HPSE2: variants seen among roughly 807,000 people sequenced by gnomAD.
The protein encoded by HPSE2 is heparanase 2 (inactive).
A neutral mutation model predicts 60.5 loss-of-function variants in HPSE2; 38 were observed. The observed-to-expected ratio is 0.63, with a 90% CI of 0.48 to 0.82. HPSE2 has a LOEUF of 0.82. Among genes scored for constraint, HPSE2 ranks in the 40% least tolerant of loss-of-function variants. The probability of loss-of-function intolerance (pLI) is 0.00; values close to 1 mark genes in which losing one functional copy is unlikely to be tolerated. For synonymous variants in HPSE2, 295 were observed against 293.2 expected (o/e 1.01, Z -0.06); for missense variants, 713 against 740.4 (o/e 0.96, Z 0.43).
At chr10:98,506,814 C>G (rs1942217455) in intron 9 of HPSE2, among the ~76,000 whole-genome samples, 1 of 151,366 alleles carries the variant, frequency 6.6e-6, no homozygotes, top group Non-Finnish European at 1.5e-5. Flanking sequence ...CGTTTTTCTT[C>G]TCCCTACCTA....
At chr10:98,917,789 T>C (rs1954162750) in intron 3 of HPSE2, among the ~76,000 whole-genome samples, 1 of 152,212 alleles carries the variant, frequency 6.6e-6, no homozygotes, top group Admixed American at 6.5e-5. Flanking sequence ...GTAACACTTG[T>C]ACAGGAGAAA....
intron 3 of HPSE2, among the ~76,000 whole-genome samples, chr10:99,103,639 A>C (rs1164830836): frequency 2.0e-5 from 3 of 152,218 alleles, no homozygotes; most frequent in Non-Finnish European, 2.9e-5. Flanking sequence ...ACTACTTTAA[A>C]GTTCATATGG....
At chr10:98,614,378 T>C (rs971868253) in intron 9 of HPSE2, among the ~76,000 whole-genome samples, 2 of 151,546 alleles carry the variant, frequency 1.3e-5, no homozygotes, top group Non-Finnish European at 2.9e-5. Context: ...CTGCAAGCTC[T>C]GCCTCTCGGG....
At chr10:99,172,210 G>A (rs571500231) in intron 2 of HPSE2, among the ~76,000 whole-genome samples, 1 of 152,176 alleles carries the variant, frequency 6.6e-6, no homozygotes, top group East Asian at 1.9e-4. Flanking sequence ...TTAGTCCCCA[G>A]CGTGTACTGC....
chr10:99,284,892 T>A, the HPSE2 span, among the ~76,000 whole-genome samples: 3 of 152,212 alleles, frequency 2.0e-5, no homozygotes, highest in Non-Finnish European at 4.4e-5. Flanking sequence ...AAAACATTTG[T>A]ATATTAAAGC....
chr10:98,939,351 A>C (rs1383360167), intron 3 of HPSE2, among the ~76,000 whole-genome samples: 1 of 143,668 alleles, frequency 7.0e-6, no homozygotes, highest in Non-Finnish European at 1.5e-5. Flanking sequence ...TCACGTGCAG[A>C]GACACACATA....
At chr10:99,282,392 C>T in the HPSE2 span, among the ~76,000 whole-genome samples, 28 of 152,016 alleles carry the variant, frequency 1.8e-4, no homozygotes, top group African/African-American at 6.5e-4. Flanking sequence ...ATTGACAGAA[C>T]TAAAGGGCAA....
intron 2 of HPSE2, among the ~76,000 whole-genome samples, chr10:99,227,001 A>G (rs1002678481): frequency 6.6e-6 from 1 of 152,118 alleles, no homozygotes; most frequent in African/African-American, 2.4e-5. Flanking sequence ...AATGTAACAG[A>G]ATTTCAAAAC....
intron 6 of HPSE2, among the ~76,000 whole-genome samples, chr10:98,657,339 T>TG (rs1312285102): frequency 6.6e-6 from 1 of 152,034 alleles, no homozygotes; most frequent in Non-Finnish European, 1.5e-5. Flanking sequence ...AATCCTTTTT[T>TG]TTTGTTTGTT....
At chr10:98,848,977 C>T (rs1299013109) in intron 3 of HPSE2, among the ~76,000 whole-genome samples, 2 of 151,704 alleles carry the variant, frequency 1.3e-5, no homozygotes, top group African/African-American at 2.4e-5. Flanking sequence ...ATTAGATTTT[C>T]ACTTTGCAAT....
chr10:98,560,758 G>C (rs1342671687), intron 9 of HPSE2, among the ~76,000 whole-genome samples: 1 of 152,154 alleles, frequency 6.6e-6, no homozygotes, highest in Non-Finnish European at 1.5e-5. Context: ...CTATAATAGA[G>C]CTGAAAAATT....
intron 9 of HPSE2, among the ~76,000 whole-genome samples, chr10:98,554,902 T>C (rs1295003390): frequency 6.6e-6 from 1 of 152,228 alleles, no homozygotes; most frequent in African/African-American, 2.4e-5. Flanking sequence ...ATCTGTACTT[T>C]ATTTGCTTAA....
chr10:98,984,356 TCTG>T (rs1419538314), intron 3 of HPSE2, among the ~76,000 whole-genome samples: 2 of 152,206 alleles, frequency 1.3e-5, no homozygotes, highest in Admixed American at 1.3e-4. Flanking sequence ...TTCTGCAGCC[TCTG>T]CTGCTGATAC....
chr10:98,720,650 TAAA>T (rs1261762385), intron 5 of HPSE2, among the ~76,000 whole-genome samples: 1 of 152,116 alleles, frequency 6.6e-6, no homozygotes, highest in Non-Finnish European at 1.5e-5. Context: ...TCAAAAGAAA[TAAA>T]TAACCGATTT....
chr10:98,564,497 G>A (rs950799710), intron 9 of HPSE2, among the ~76,000 whole-genome samples: 2 of 152,114 alleles, frequency 1.3e-5, no homozygotes, highest in Non-Finnish European at 2.9e-5. Flanking sequence ...AATTTGTTAA[G>A]TTCCAAACTT....
intron 6 of HPSE2, among the ~76,000 whole-genome samples, chr10:98,669,042 A>G (rs911727562): frequency 6.6e-6 from 1 of 152,238 alleles, no homozygotes; most frequent in African/African-American, 2.4e-5. Flanking sequence ...ATAAACAAGC[A>G]AACCCAAATA....
intron 2 of HPSE2, among the ~76,000 whole-genome samples, chr10:99,203,125 C>T (rs951256932): frequency 4.6e-5 from 7 of 151,572 alleles, no homozygotes; most frequent in African/African-American, 7.3e-5. Flanking sequence ...CATCCCACCA[C>T]GAGGATGACC....
intron 3 of HPSE2, among the ~76,000 whole-genome samples, chr10:98,789,519 G>A (rs1275695118): frequency 2.0e-5 from 3 of 152,228 alleles, no homozygotes; most frequent in East Asian, 1.9e-4. Flanking sequence ...GTAGAAAACT[G>A]TGAAGTAAAT....
At chr10:99,162,458 TCC>T (rs1000818217) in intron 2 of HPSE2, among the ~76,000 whole-genome samples, 1 of 152,164 alleles carries the variant, frequency 6.6e-6, no homozygotes, top group African/African-American at 2.4e-5. Context: ...TGCTTTGGCT[TCC>T]CTCACACACA....
Sources: allele counts gnomAD v4.1 joint callset (sites outside exome capture counted in the v4.1 genomes callset), GRCh38; gene constraint gnomAD v4.1.1; transcripts MANE v1.5; gene names NCBI Gene and HGNC (gene_info 2026-07-23, HGNC 2026-07-21).